BAZ1B: variants seen among roughly 807,000 people sequenced by gnomAD.
BAZ1B encodes the protein bromodomain adjacent to zinc finger domain 1B, also known as tyrosine-protein kinase BAZ1B.
In BAZ1B, 22 loss-of-function variants were observed where a neutral mutation model predicts 153.8. That is an observed-to-expected ratio of 0.14 (90% CI 0.10 to 0.20). The LOEUF (loss-of-function observed/expected upper bound fraction) is 0.20. BAZ1B is among the 10% of genes least tolerant of loss of function. BAZ1B has a pLI of 1.00. For missense variants in BAZ1B, 1,325 were observed against 1,799.3 expected (o/e 0.74, Z 4.77); for synonymous variants, 676 against 633.4 (o/e 1.07, Z -1.01).
At chr7:73,493,701 G>A (rs868961510) in intron 4 of BAZ1B, among the ~76,000 whole-genome samples, 30 of 151,902 alleles carry the variant, frequency 2.0e-4, no homozygotes, top group Middle Eastern at 3.4e-3. Flanking sequence ...AATTAGCCAG[G>A]TGTGGTGGCA....
rs782005305 is a variant in BAZ1B at position 73,492,915 on chromosome 7, C to G, written c.578G>C (p.Arg193Thr). ...DEGRRESIND[R>T]ARRSPRKLPT... ...AAGTTTTCGTGGCGATCTACGTGCT[C>G]TGTCATCTAGTCAAATCATAGAAAA... Residue 193 changes from arginine to threonine, a missense_variant, in exon 5 of 20, where the codon AGA (arginine) becomes ACA (threonine). Coordinates refer to ENST00000339594, the MANE Select transcript of BAZ1B (RefSeq NM_032408.4). 1 of 1,598,352 alleles carries G rather than the reference C, an allele frequency of 6.3e-7. No homozygotes were observed. The highest frequency in any genetic ancestry group is 1.4e-5 in the African/African-American group (1 of 73,982).
At position 73,449,425 on chromosome 7, in the gene BAZ1B, T is replaced by C. The variant is rs2074756; in HGVS notation, c.3728+117A>G. Reference sequence around the variant, plus strand: ...AAGTACTGTAAATGATCAGGCTCTGTACCCAAAAGATGAACTTAAAGCTCC... The same window carrying C: ...AAGTACTGTAAATGATCAGGCTCTGCACCCAAAAGATGAACTTAAAGCTCC... On this transcript the variant is annotated intron_variant, in intron 15 of 19. Coordinates refer to ENST00000339594, the MANE Select transcript of BAZ1B (RefSeq NM_032408.4). 712 of 1,260,508 alleles carry C rather than the reference T, an allele frequency of 5.6e-4. 6 individuals are homozygous for C. The East Asian group carries it at 0.017, about 30-fold the overall frequency. The allele number at this position is 1,260,508 out of a possible 1,614,324, so 78.1% of individuals were successfully genotyped here.
chr7:73,444,261 A>C, intron 16 of BAZ1B, 132 bp from the exon 17 acceptor site: 2 of 1,069,142 alleles, frequency 1.9e-6, no homozygotes, highest in Non-Finnish European at 2.6e-6. Context: ...TTTGGTTTTA[A>C]GGTGCTCTTG....
chr7:73,502,636 T>C (rs1790179592), intron 3 of BAZ1B, among the ~76,000 whole-genome samples: 1 of 151,968 alleles, frequency 6.6e-6, no homozygotes, highest in Non-Finnish European at 1.5e-5. Flanking sequence ...AAAAATACAA[T>C]TAGCCAGGCA....
intron 1 of BAZ1B, among the ~76,000 whole-genome samples, chr7:73,515,516 C>A (rs1428782758): frequency 6.6e-6 from 1 of 151,548 alleles, no homozygotes; most frequent in Admixed American, 6.6e-5. Flanking sequence ...AGGGTCTGCC[C>A]CTCCAGCCTT....
intron 3 of BAZ1B, among the ~76,000 whole-genome samples, chr7:73,506,446 C>G (rs1790344893): frequency 6.6e-6 from 1 of 150,738 alleles, no homozygotes; most frequent in African/African-American, 2.4e-5. Flanking sequence ...TTGCAGTGAG[C>G]TGAGATCATG....
At chr7:73,503,889 C>T (rs1004449030) in intron 3 of BAZ1B, among the ~76,000 whole-genome samples, 1 of 152,108 alleles carries the variant, frequency 6.6e-6, no homozygotes, top group Non-Finnish European at 1.5e-5. Context: ...GGAAGTAAAG[C>T]ATCCTTGGGG....
rs1194470830 is a variant in BAZ1B, at chr7:73,440,901, T to C, written c.*808A>G. 1.3e-5 allele frequency: 2 copies of C among 152,578 alleles called. No individual in the cohort carries two copies. Among genetic ancestry groups the C allele is most frequent in the African/African-American group, 4.8e-5 (2 of 41,436 alleles). 9.5% of individuals were successfully genotyped at this position (152,578 alleles called of 1,614,324 possible). On this transcript the variant is annotated 3_prime_UTR_variant, in exon 20 of 20. Transcript: ENST00000339594. The stretch of plus-strand genomic sequence containing the variant: ...TTTGTACTTTTATCAAAATCCATCA[T>C]AAAAGGGAAAGAAGACTACAAAGTT...
At chr7:73,454,222 A>G (rs1247188592) in intron 13 of BAZ1B, among the ~76,000 whole-genome samples, 1 of 152,108 alleles carries the variant, frequency 6.6e-6, no homozygotes, top group Non-Finnish European at 1.5e-5. Flanking sequence ...GCTACTCGGG[A>G]AAGTGAGGTG....
chr7:73,474,029 G>A (rs1197392664), intron 7 of BAZ1B, among the ~76,000 whole-genome samples: 29 of 152,180 alleles, frequency 1.9e-4, no homozygotes, highest in African/African-American at 4.6e-4. Context: ...TCCCTATTCC[G>A]AAACTTACTA....
intron 12 of BAZ1B, among the ~76,000 whole-genome samples, chr7:73,461,592 T>G (rs1050600574): frequency 5.3e-5 from 8 of 152,188 alleles, no homozygotes; most frequent in Admixed American, 2.0e-4. Context: ...GATGTTTAAA[T>G]CCTTTTCCCC....
chr7:73,485,787 T>TAAA (rs1789385076), intron 6 of BAZ1B, among the ~76,000 whole-genome samples: 1 of 152,214 alleles, frequency 6.6e-6, no homozygotes, highest in Non-Finnish European at 1.5e-5. Context: ...AGAACAAGGC[T>TAAA]AAATTCATGC....
At position 73,470,351 on chromosome 7, in the gene BAZ1B, T is replaced by C; in HGVS notation, c.2726A>G (p.His909Arg). ...RRTPIGTDRN[H>R]NRYWLFSDEV... ...ATTTGGTTTAGGAACTGACCTATTATGGTTTCGATCTGTGCCAATAGGAGT... is the reference window on the plus strand; with the variant it reads ...ATTTGGTTTAGGAACTGACCTATTACGGTTTCGATCTGTGCCAATAGGAGT... The change falls in exon 8 of 20, where the codon CAT (histidine) becomes CGT (arginine). Residue 909 changes from histidine (H) to arginine (R), a missense_variant. Around this residue, in one of 9 missense-constraint regions of BAZ1B, gnomAD observed 431 missense variants for 563.5 expected, o/e 0.76. Coordinates refer to ENST00000339594, the MANE Select transcript of BAZ1B (RefSeq NM_032408.4). The C allele has an allele frequency of 1.2e-6, 2 of 1,611,026 alleles. No homozygotes were observed. Among genetic ancestry groups the C allele is most frequent in the Non-Finnish European group, 1.7e-6 (2 of 1,178,738 alleles).
chr7:73,511,965 T>C (rs1286628594), intron 1 of BAZ1B, among the ~76,000 whole-genome samples: 5 of 142,946 alleles, frequency 3.5e-5, no homozygotes, highest in South Asian at 2.2e-4. Flanking sequence ...TGGGAGGCCG[T>C]TGCAGTGAGC....
At position 73,450,903 on chromosome 7, in the gene BAZ1B, C is replaced by T; in HGVS notation, c.3524G>A (p.Cys1175Tyr). The T allele has an allele frequency of 1.9e-6, 3 of 1,614,144 alleles. No homozygotes were observed. The highest frequency in any genetic ancestry group is 2.5e-6 in the Non-Finnish European group (3 of 1,180,036). ...TTCTGCGGACATATCCCACTTGATA[C>T]AGGCATCAAGCATCCCAAGCAGCAC... ...MHVLLGMLDA[C>Y]IKWDMSAENA... is the part of the protein sequence containing the mutation. The change falls in exon 14 of 20, where the codon TGT (cysteine) becomes TAT (tyrosine). Residue 1175 changes from cysteine (C) to tyrosine (Y), a missense_variant. This residue lies in a region of BAZ1B where 431 missense variants were observed against 563.5 expected (regional missense o/e 0.76). Coordinates refer to ENST00000339594, the MANE Select transcript of BAZ1B (RefSeq NM_032408.4). The surrounding 1 kb of genome is among the most constrained non-coding windows in gnomAD (Gnocchi z 4.1).
chr7:73,518,521 C>T (rs551325704), intron 1 of BAZ1B, among the ~76,000 whole-genome samples: 11 of 152,296 alleles, frequency 7.2e-5, no homozygotes, highest in Non-Finnish European at 1.6e-4. Flanking sequence ...TACAACTTAA[C>T]TCCATCTATA....
intron 6 of BAZ1B, among the ~76,000 whole-genome samples, chr7:73,482,477 A>G (rs890806883): frequency 6.6e-6 from 1 of 152,222 alleles, no homozygotes; most frequent in African/African-American, 2.4e-5. Flanking sequence ...GCTCAGAACA[A>G]CAGATTATAT....
intron 9 of BAZ1B, among the ~76,000 whole-genome samples, chr7:73,469,219 C>T (rs532144448): frequency 6.6e-6 from 1 of 152,118 alleles, no homozygotes; most frequent in South Asian, 2.1e-4. Flanking sequence ...CTTGAGGCAC[C>T]TACAAAGGCT....
chr7:73,477,660 C>T lies in BAZ1B; in HGVS notation c.1801G>A (p.Gly601Arg). 1 of 1,614,230 alleles carries T rather than the reference C, an allele frequency of 6.2e-7. No individual in the cohort carries two copies. Among genetic ancestry groups the T allele is most frequent in the Non-Finnish European group, 8.5e-7 (1 of 1,180,040 alleles). Reference protein sequence around the residue: ...PAFRLVDTPEGLPNTLFGDVA... With the variant: ...PAFRLVDTPERLPNTLFGDVA... ...TCCCCAAACAGCGTGTTGGGCAGCCCTTCAGGGGTATCCACCAATCTGAAT... is the reference window on the plus strand; with the variant it reads ...TCCCCAAACAGCGTGTTGGGCAGCCTTTCAGGGGTATCCACCAATCTGAAT... The change falls in exon 7 of 20, where the codon GGG (glycine) becomes AGG (arginine). Residue 601 changes from glycine to arginine, a missense_variant. Transcript: ENST00000339594. This position sits in a 1 kb window ranked among gnomAD's most constrained non-coding sequence, Gnocchi z 5.6.
Sources: gnomAD v4.1 joint callset for allele counts (sites outside exome capture counted in the v4.1 genomes callset) on GRCh38, gnomAD v4.1.1 for gene constraint, gnomAD v4.1.1 regional missense constraint, Gnocchi (gnomAD v3.1) non-coding constraint, MANE v1.5 for transcripts, NCBI Gene and HGNC (gene_info 2026-07-23, HGNC 2026-07-21) for gene names.